NRF1: variants seen among roughly 807,000 people sequenced by gnomAD.
NRF1 encodes alpha palindromic-binding protein.
A neutral mutation model predicts 58.5 loss-of-function variants in NRF1; 5 were observed. The ratio of observed to expected loss-of-function variants is 0.09; its 90% CI spans 0.04 to 0.18. The LOEUF (loss-of-function observed/expected upper bound fraction) is 0.18, where lower values mean the gene tolerates loss of function less well. NRF1 is among the 10% of genes least tolerant of loss of function. The probability of loss-of-function intolerance (pLI) is 1.00; values close to 1 mark genes in which losing one functional copy is unlikely to be tolerated. For missense variants in NRF1, 288 were observed against 657.7 expected, an observed-to-expected ratio of 0.44 and a Z score of 6.15; for synonymous variants, 224 against 246.7, an observed-to-expected ratio of 0.91 and a Z score of 0.86.
intron 5 of NRF1, among the ~76,000 whole-genome samples, chr7:129,699,735 A>C (rs1802775567): frequency 6.6e-6 from 1 of 151,886 alleles, no homozygotes; most frequent in Non-Finnish European, 1.5e-5. Context: ...CATCTCAAAA[A>C]AAAAGAAAAA....
intron 1 of NRF1, among the ~76,000 whole-genome samples, chr7:129,645,684 A>G (rs1474096166): frequency 1.3e-5 from 2 of 152,124 alleles, no homozygotes; most frequent in Non-Finnish European, 2.9e-5. Context: ...AAGAGACAGT[A>G]TAGTACTATG....
At chr7:129,675,417 TC>T (rs1802153249) in intron 3 of NRF1, among the ~76,000 whole-genome samples, 1 of 152,232 alleles carries the variant, frequency 6.6e-6, no homozygotes, top group South Asian at 2.1e-4. Flanking sequence ...GAATGGTGAA[TC>T]CGTTCTAGAA....
chr7:129,723,550 C>A (rs2116238550), intron 9 of NRF1, among the ~76,000 whole-genome samples: 1 of 152,156 alleles, frequency 6.6e-6, no homozygotes, highest in Non-Finnish European at 1.5e-5. Flanking sequence ...AAAAAATATT[C>A]ATTAAAGTCT....
chr7:129,640,524 C>G (rs1323330054), intron 1 of NRF1, among the ~76,000 whole-genome samples: 1 of 151,928 alleles, frequency 6.6e-6, no homozygotes, highest in Non-Finnish European at 1.5e-5. Flanking sequence ...AAGACAAAAC[C>G]CAAATTTACC....
At chr7:129,696,043 A>T (rs1184278663) in intron 5 of NRF1, among the ~76,000 whole-genome samples, 1 of 143,112 alleles carries the variant, frequency 7.0e-6, no homozygotes. Context: ...ACCAACATGG[A>T]TAAACCCCGT....
At chr7:129,720,260 T>C (rs1803289620) in intron 9 of NRF1, among the ~76,000 whole-genome samples, 2 of 152,188 alleles carry the variant, frequency 1.3e-5, no homozygotes, top group South Asian at 4.1e-4. Context: ...TATAGCAGAC[T>C]ATTAGGGGAA....
At chr7:129,636,479 C>G (rs1397978784) in intron 1 of NRF1, among the ~76,000 whole-genome samples, 1 of 152,176 alleles carries the variant, frequency 6.6e-6, no homozygotes, top group East Asian at 1.9e-4. Flanking sequence ...AACTGCTGAC[C>G]TCAGGTGATC....
chr7:129,714,375 G>A lies in NRF1; in HGVS notation c.1065+2799G>A, dbSNP rs558662905. Among the ~76,000 whole-genome samples, 7 of 152,354 alleles carry A rather than the reference G, an allele frequency of 4.6e-5. No homozygotes were observed. In the East Asian group the frequency reaches 1.2e-3, roughly 25 times the overall value. On this transcript the variant is annotated intron_variant, in intron 8 of 10. Coordinates refer to ENST00000393232, the MANE Select transcript of NRF1 (RefSeq NM_005011.5). ...GAGAGCCTCACTGGGCCAAACTCAA[G>A]TGAGAGCAGCAGCATGGGCCAGACT...
chr7:129,625,675 ATTTTT>A (rs56694598), intron 1 of NRF1, among the ~76,000 whole-genome samples: 38 of 88,988 alleles, frequency 4.3e-4, no homozygotes, highest in Non-Finnish European at 6.4e-4. Flanking sequence ...TAATGTTTTA[ATTTTT>A]TTTTTTTTTT....
chr7:129,619,455 T>C (rs868717474), intron 1 of NRF1, among the ~76,000 whole-genome samples: 37 of 62,678 alleles, frequency 5.9e-4, no homozygotes, highest in African/African-American at 1.1e-3. Context: ...CACATATATA[T>C]ACACGTGTGT....
intron 4 of NRF1, among the ~76,000 whole-genome samples, chr7:129,684,185 C>T (rs568639198): frequency 1.3e-5 from 2 of 151,982 alleles, no homozygotes; most frequent in East Asian, 1.9e-4. Flanking sequence ...AATGAGTTAG[C>T]GAACAGGGAA....
chr7:129,685,197 G>A (rs1021984871), intron 4 of NRF1, among the ~76,000 whole-genome samples: 1 of 152,074 alleles, frequency 6.6e-6, no homozygotes, highest in African/African-American at 2.4e-5. Context: ...AAAAATTATG[G>A]TATCTTGTCT....
intron 1 of NRF1, among the ~76,000 whole-genome samples, chr7:129,634,065 C>T (rs890162698): frequency 8.5e-4 from 115 of 135,306 alleles, no homozygotes; most frequent in Admixed American, 2.2e-3. Context: ...TATATATACA[C>T]ACACACACAC....
In NRF1 at chr7:129,637,264, A is replaced by G. The variant is rs544007122; in HGVS notation, c.-6-20082A>G. Among the ~76,000 whole-genome samples the G allele has an allele frequency of 2.0e-4, 30 of 152,050 alleles. No individual in the cohort carries two copies. The South Asian group carries it at 3.7e-3, about 19-fold the overall frequency. On this transcript the variant is annotated intron_variant, in intron 1 of 10. Coordinates refer to ENST00000393232, the MANE Select transcript of NRF1 (RefSeq NM_005011.5). ...AAAAGGCTCTGCTGAAAAAAAAAAA[A>G]AAGAAGAAGAAGATTCATTGGAAAC...
intron 5 of NRF1, among the ~76,000 whole-genome samples, chr7:129,707,824 A>G (rs754887072): frequency 1.3e-5 from 2 of 152,194 alleles, no homozygotes; most frequent in African/African-American, 4.8e-5. Flanking sequence ...CCAGAACTTT[A>G]TTAGGTCAAC....
intron 10 of NRF1, among the ~76,000 whole-genome samples, chr7:129,748,259 A>G (rs1178822737): frequency 7.1e-6 from 1 of 140,116 alleles, no homozygotes; most frequent in Non-Finnish European, 1.5e-5. Flanking sequence ...TGAGCAACAA[A>G]GCAAGACTCC....
At chr7:129,619,902 C>T (rs10225103) in intron 1 of NRF1, among the ~76,000 whole-genome samples, 33,773 of 151,528 alleles carry the variant, frequency 0.22, 5,551 homozygotes, top group African/African-American at 0.47. Flanking sequence ...TTTTCTGGTT[C>T]TGGGGTTTAT....
At chr7:129,753,646 T>G (rs779907824) in intron 10 of NRF1, among the ~76,000 whole-genome samples, 4 of 152,210 alleles carry the variant, frequency 2.6e-5, no homozygotes, top group South Asian at 2.1e-4. Flanking sequence ...CAGGACTACC[T>G]TTATGGAGGT....
intron 10 of NRF1, among the ~76,000 whole-genome samples, chr7:129,747,810 G>A (rs1057322027): frequency 6.6e-6 from 1 of 152,164 alleles, no homozygotes; most frequent in African/African-American, 2.4e-5. Context: ...GAGAAAATTC[G>A]ACTTCATTCT....
Sources: gnomAD v4.1 joint callset for allele counts (sites outside exome capture counted in the v4.1 genomes callset) on GRCh38, gnomAD v4.1.1 for gene constraint, MANE v1.5 for transcripts, NCBI Gene and HGNC (gene_info 2026-07-23, HGNC 2026-07-21) for gene names.